GDPD4: variants seen among roughly 807,000 people sequenced by gnomAD.
GDPD4 encodes the protein glycerophosphodiester phosphodiesterase 6.
A neutral mutation model predicts 67.8 loss-of-function variants in GDPD4; 60 were observed. That is an observed-to-expected ratio of 0.88 (90% CI 0.72 to 1.10). GDPD4 has a LOEUF of 1.10. GDPD4 is among the 50% of genes least tolerant of loss of function. The pLI is 0.00. For synonymous variants in GDPD4, 212 were observed against 210.9 expected (o/e 1.00, Z -0.04); for missense variants, 623 against 613.9 (o/e 1.01, Z -0.16).
chr11:77,262,735 C>T (rs1591556970), intron 10 of GDPD4, among the ~76,000 whole-genome samples: 1 of 151,620 alleles, frequency 6.6e-6, no homozygotes, highest in South Asian at 2.1e-4. Flanking sequence ...ACGATCTGCA[C>T]ACTTCAGCCC....
At chr11:77,246,566 A>G (rs940050424) in intron 11 of GDPD4, among the ~76,000 whole-genome samples, 15 of 152,202 alleles carry the variant, frequency 9.9e-5, no homozygotes, top group African/African-American at 3.6e-4. Flanking sequence ...TGGTAATAAA[A>G]CCATTTAAAT....
chr11:77,297,783 T>C (rs1938026522), intron 1 of GDPD4, among the ~76,000 whole-genome samples: 1 of 145,176 alleles, frequency 6.9e-6, no homozygotes, highest in Non-Finnish European at 1.5e-5. Flanking sequence ...GCTTTCAATA[T>C]AATAATTGTT....
intron 8 of GDPD4, among the ~76,000 whole-genome samples, chr11:77,269,408 C>A (rs916946877): frequency 6.6e-6 from 1 of 152,080 alleles, no homozygotes; most frequent in African/African-American, 2.4e-5. Flanking sequence ...AGGAGCTTGG[C>A]TGATTCTAAG....
chr11:77,261,721 C>T (rs759926904), intron 10 of GDPD4, among the ~76,000 whole-genome samples: 30 of 152,158 alleles, frequency 2.0e-4, no homozygotes, highest in African/African-American at 6.8e-4. Context: ...GACTGGTTTA[C>T]GGGGATCCTT....
Position 77,279,334 on chromosome 11 carries a change from A to ATTCC in GDPD4, c.118_119insGGAA (p.Ile40ArgfsTer23). 1 of 1,611,810 alleles carries ATTCC rather than the reference A, an allele frequency of 6.2e-7. No homozygotes were observed. The highest frequency in any genetic ancestry group is 8.5e-7 in the Non-Finnish European group (1 of 1,177,994). ...CAGCAATGAAGAGTAGGCAGTCAGG[A>ATTCC]TCCTAGCTAAACTCAGAATAAAAAT... On this transcript the variant is annotated frameshift_variant, in exon 4 of 17. Coordinates refer to ENST00000315938, the MANE Select transcript of GDPD4 (RefSeq NM_182833.3). LOFTEE classifies it high-confidence loss of function.
At chr11:77,231,194 T>A (rs564028846) in intron 14 of GDPD4, among the ~76,000 whole-genome samples, 10 of 152,304 alleles carry the variant, frequency 6.6e-5, no homozygotes, top group African/African-American at 2.2e-4. Flanking sequence ...ACTGATAAAG[T>A]GTATATCATT....
intron 10 of GDPD4, among the ~76,000 whole-genome samples, 155 bp downstream of exon 10, chr11:77,268,302 G>A (rs932323574): frequency 6.6e-6 from 1 of 152,126 alleles, no homozygotes; most frequent in African/African-American, 2.4e-5. Flanking sequence ...TTTGTGAGAT[G>A]TGGTTCATTT....
At chr11:77,297,528 T>G (rs1398761975) in intron 1 of GDPD4, among the ~76,000 whole-genome samples, 1 of 138,426 alleles carries the variant, frequency 7.2e-6, no homozygotes, top group East Asian at 2.1e-4. Context: ...AGAGCGAGAC[T>G]CCGTCTCAGA....
At chr11:77,229,313 T>G in intron 14 of GDPD4, 81 bp from the exon 15 acceptor site, 5 of 787,962 alleles carry the variant, frequency 6.3e-6, no homozygotes, top group Non-Finnish European at 1.0e-5. Context: ...CTTGCTCTGC[T>G]GCCAGGGCTG....
At chr11:77,275,301 A>G (rs888548987) in intron 5 of GDPD4, among the ~76,000 whole-genome samples, 4 of 152,210 alleles carry the variant, frequency 2.6e-5, no homozygotes, top group African/African-American at 9.6e-5. Flanking sequence ...AGGATGCTAT[A>G]TTGGAAATAT....
At position 77,249,223 on chromosome 11, in the gene GDPD4, G is replaced by A. The variant is rs190120994; in HGVS notation, c.865-3721C>T. Among the ~76,000 whole-genome samples, 842 of 140,054 alleles carry A rather than the reference G, an allele frequency of 6.0e-3. 9 individuals carry two copies. Among genetic ancestry groups the A allele is most frequent in the African/African-American group, 0.02 (762 of 37,406 alleles). The allele number at this position is 140,054 out of a possible 152,430, so 91.9% of individuals were successfully genotyped here. On this transcript the variant is annotated intron_variant, in intron 11 of 16. Transcript: ENST00000315938. ...AGAGGTTGCAGTGAGCCGAGATCAC[G>A]CCACTGCACTCCAGCCTGGCAACAG...
intron 13 of GDPD4, among the ~76,000 whole-genome samples, chr11:77,233,928 G>A (rs1306509597): frequency 6.6e-6 from 1 of 152,174 alleles, no homozygotes; most frequent in East Asian, 1.9e-4. Context: ...AAATGTCAGT[G>A]GATACTTGTG....
Position 77,268,466 on chromosome 11 carries a change from A to T in GDPD4, c.698T>A (p.Ile233Lys), listed in dbSNP as rs143383034. The part of the protein sequence containing the change: ...EHGAHGLETD[I>K]HLSYDHVPFL... ...TTCCCTGCTTTCTTACCTTAAGTGT[A>T]TATCAGTCTCCAATCCATGGGCTCC... Residue 233 changes from isoleucine (I) to lysine (K), a missense_variant, in exon 10 of 17, where the codon ATA becomes AAA. Transcript: ENST00000315938. 7 of 1,608,944 alleles carry T rather than the reference A, an allele frequency of 4.4e-6. No individual in the cohort carries two copies. The highest frequency in any genetic ancestry group is 2.2e-5 in the East Asian group (1 of 44,830).
chr11:77,294,831 A>G (rs980165048), intron 1 of GDPD4, among the ~76,000 whole-genome samples: 1 of 152,156 alleles, frequency 6.6e-6, no homozygotes, highest in Non-Finnish European at 1.5e-5. Flanking sequence ...TTCCAGAAAA[A>G]GGCCCATATA....
intron 5 of GDPD4, among the ~76,000 whole-genome samples, chr11:77,272,413 T>C (rs1407024558): frequency 6.6e-6 from 1 of 152,056 alleles, no homozygotes; most frequent in Non-Finnish European, 1.5e-5. Flanking sequence ...GAATCACAGA[T>C]CTTACCCAAC....
Position 77,217,080 on chromosome 11 carries a change from G to T in GDPD4, c.*197C>A, listed in dbSNP as rs1214459682. On this transcript the variant is annotated 3_prime_UTR_variant, in exon 17 of 17. Transcript: ENST00000315938. ...AAGACCACGGTGGGCATCGGTGGTT[G>T]AATCTCATGCTTGCCAGGCTTCAAA... The T allele has an allele frequency of 1.4e-6, 1 of 706,186 alleles. No homozygotes were observed. The highest frequency in any genetic ancestry group is 2.0e-5 in the Admixed American group (1 of 50,034). 43.7% of individuals were successfully genotyped at this position (706,186 alleles called of 1,614,324 possible).
chr11:77,221,476 C>G (rs919775268), intron 16 of GDPD4, among the ~76,000 whole-genome samples: 1 of 152,158 alleles, frequency 6.6e-6, no homozygotes, highest in Non-Finnish European at 1.5e-5. Flanking sequence ...TTTCTGCCTT[C>G]ATTTCGTTAT....
chr11:77,268,474 C>T lies in GDPD4; in HGVS notation c.690G>A (p.Glu230=). 2 of 1,612,116 alleles carry T rather than the reference C, an allele frequency of 1.2e-6. No homozygotes were observed. The highest frequency in any genetic ancestry group is 1.1e-5 in the South Asian group (1 of 91,026). The change falls in exon 10 of 17, where the codon GAG becomes GAA. Residue 230 remains glutamate, a synonymous_variant. Coordinates refer to ENST00000315938, the MANE Select transcript of GDPD4 (RefSeq NM_182833.3). The stretch of plus-strand genomic sequence containing the variant: ...TTTCTTACCTTAAGTGTATATCAGT[C>T]TCCAATCCATGGGCTCCATGTTCAA... ...KAVEHGAHGL[E]TDIHLSYDHV...
At chr11:77,263,587 A>G (rs2135864362) in intron 10 of GDPD4, among the ~76,000 whole-genome samples, 1 of 152,306 alleles carries the variant, frequency 6.6e-6, no homozygotes, top group East Asian at 1.9e-4. Context: ...GGGTGCCAAA[A>G]ACTAATAAGC....
Sources: gnomAD v4.1 joint callset for allele counts (sites outside exome capture counted in the v4.1 genomes callset) on GRCh38, gnomAD v4.1.1 for gene constraint, MANE v1.5 for transcripts, NCBI Gene and HGNC (gene_info 2026-07-23, HGNC 2026-07-21) for gene names.